Variants in TP53I3 observed in about 807,000 individuals in gnomAD.
TP53I3 encodes quinone oxidoreductase PIG3.
TP53I3 carries 32 observed loss-of-function variants against 27.7 expected under a neutral mutation model. The ratio of observed to expected loss-of-function variants is 1.16; its 90% CI spans 0.87 to 1.55. The LOEUF is 1.55. Ranked by LOEUF, TP53I3 falls within the 40% of genes most tolerant of loss-of-function variation. The pLI is 0.00. For missense variants in TP53I3, 372 were observed against 412.3 expected, an observed-to-expected ratio of 0.90 and a Z score of 0.85; for synonymous variants, 138 against 167.8, an observed-to-expected ratio of 0.82 and a Z score of 1.37.
chr2:24,077,599 C>A lies in TP53I3; in HGVS notation c.979G>T (p.Val327Phe). 1 of 1,613,684 alleles carries A rather than the reference C, an allele frequency of 6.2e-7. No individual in the cohort carries two copies. The part of the protein sequence containing the change: ...MEANKNIGKI[V>F]LELPQ ...CTCCTTCACTGGGGCAGTTCCAGGA[C>A]GATCTTGCCTATGTTCTTGTTGGCC... Residue 327 changes from valine (V) to phenylalanine (F), a missense_variant, in exon 5 of 5, where the codon GTC (valine) becomes TTC (phenylalanine). Physicochemically the swap from Val to Phe is conservative, Grantham distance 50. Transcript: ENST00000238721. The surrounding 1 kb of genome is among the most constrained non-coding windows in gnomAD (Gnocchi z 5.5).
rs927352466 is a variant in TP53I3 at position 24,080,304 on chromosome 2, G to A, written c.619+515C>T. Among the ~76,000 whole-genome samples the A allele has an allele frequency of 2.0e-5, 3 of 151,524 alleles. No homozygotes were observed. Among genetic ancestry groups the A allele is most frequent in the Admixed American group, 1.3e-4 (2 of 15,220 alleles). ...TGGGAGGCGGAGGTTGCAGCGAGCCGAGATCAAGCCACTGCACGCCATCCT... is the reference window on the plus strand; with the variant it reads ...TGGGAGGCGGAGGTTGCAGCGAGCCAAGATCAAGCCACTGCACGCCATCCT... On this transcript the variant is annotated intron_variant, in intron 3 of 4. Transcript: ENST00000238721. The surrounding 1 kb of genome is among the most constrained non-coding windows in gnomAD (Gnocchi z 4.7).
chr2:24,078,027 CTT>C (rs1664835111), intron 4 of TP53I3, among the ~76,000 whole-genome samples: 1 of 152,186 alleles, frequency 6.6e-6, no homozygotes, highest in Non-Finnish European at 1.5e-5. Context: ...TGACCTGTCT[CTT>C]CTTGCATGTA....
At chr2:24,078,032 T>C (rs1664835354) in intron 4 of TP53I3, among the ~76,000 whole-genome samples, 1 of 152,224 alleles carries the variant, frequency 6.6e-6, no homozygotes, top group African/African-American at 2.4e-5. Context: ...TGTCTCTTCT[T>C]GCATGTAGCA....
intron 4 of TP53I3, among the ~76,000 whole-genome samples, chr2:24,078,490 A>G (rs1008914626): frequency 1.9e-4 from 29 of 151,806 alleles, no homozygotes; most frequent in Non-Finnish European, 3.7e-4. Context: ...TAAAAAAAAA[A>G]AAAAAAAAAA....
rs2150988449 is a variant in TP53I3 at position 24,084,752 on chromosome 2, A to C, written c.-426T>G. 6.4e-6 allele frequency: 1 copy of C among 157,280 alleles called. No homozygotes were observed. 9.7% of individuals were successfully genotyped at this position (157,280 alleles called of 1,614,324 possible). A position where few individuals can be genotyped will look rare whatever the true frequency, so the allele number is the denominator to read the frequency against. ...TTACTCCTGGCCCGGCTCCCCTCCC[A>C]TGCACCAGGCGGCGCCGAGTGGTTC... is the stretch of plus-strand genomic sequence containing the variant. On this transcript the variant is annotated 5_prime_UTR_variant, in exon 1 of 5. The change abolishes an upstream ATG in the 5' untranslated region. Transcript: ENST00000238721. This position sits in a 1 kb window ranked among gnomAD's most constrained non-coding sequence, Gnocchi z 8.4.
At chr2:24,081,272 G>C (rs1664990728) in intron 2 of TP53I3, among the ~76,000 whole-genome samples, 1 of 152,152 alleles carries the variant, frequency 6.6e-6, no homozygotes, top group Non-Finnish European at 1.5e-5. Flanking sequence ...CTGTCTTATT[G>C]CCTCTGGCTA....
At chr2:24,083,891 G>A (rs1239583981) in intron 1 of TP53I3, among the ~76,000 whole-genome samples, 1 of 152,148 alleles carries the variant, frequency 6.6e-6, no homozygotes, top group Non-Finnish European at 1.5e-5. Context: ...TTAAGATGGC[G>A]AACAGGGTAG....
At chr2:24,081,136 C>A in intron 2 of TP53I3, 105 bp from the exon 3 acceptor site, 8 of 406,618 alleles carry the variant, frequency 2.0e-5, no homozygotes, top group East Asian at 1.2e-4. Context: ...AATGCCAAAT[C>A]AATCTTTTGC....
chr2:24,080,968 G>A lies in TP53I3; in HGVS notation c.470C>T (p.Ala157Val), dbSNP rs1664976353. ...TCCAGCCATCCGGGTGAGTTGGATAGCAGCTGTGCCCACACCACTCAGTCC... is the reference window on the plus strand; with the variant it reads ...TCCAGCCATCCGGGTGAGTTGGATAACAGCTGTGCCCACACCACTCAGTCC... Reference protein sequence around the residue: ...HAGLSGVGTAAIQLTRMAGAI... With the variant: ...HAGLSGVGTAVIQLTRMAGAI... The change falls in exon 3 of 5, where the codon GCT (alanine) becomes GTT (valine). Residue 157 changes from alanine to valine, a missense_variant. By Grantham distance (64) the Ala-to-Val change is moderately conservative. Transcript: ENST00000238721. This position sits in a 1 kb window ranked among gnomAD's most constrained non-coding sequence, Gnocchi z 4.7. 1 of 1,614,194 alleles carries A rather than the reference G, an allele frequency of 6.2e-7. No individual in the cohort carries two copies. The highest frequency in any genetic ancestry group is 8.5e-7 in the Non-Finnish European group (1 of 1,180,034).
At chr2:24,082,797 T>A in intron 2 of TP53I3, 88 bp downstream of exon 2, 1 of 1,462,024 alleles carries the variant, frequency 6.8e-7, no homozygotes, top group South Asian at 1.4e-5. Flanking sequence ...GGCCTGGGAG[T>A]GCCCTGGGGG....
chr2:24,079,728 A>G, intron 3 of TP53I3, 88 bp from the exon 4 acceptor site: 2 of 1,273,616 alleles, frequency 1.6e-6, no homozygotes, highest in Non-Finnish European at 2.2e-6. Flanking sequence ...ATATAAATAC[A>G]GATGCAAGTG....
intron 2 of TP53I3, among the ~76,000 whole-genome samples, chr2:24,081,288 GA>G (rs1050854379): frequency 4.6e-5 from 7 of 152,144 alleles, no homozygotes; most frequent in African/African-American, 1.7e-4. Context: ...GGCTAAAGTG[GA>G]AAACAGCCTT....
Position 24,084,353 on chromosome 2 carries a change from G to T in TP53I3, c.-27C>A. ...TTGTCTGAGGACACAGGGCAGGGCA[G>T]GGCAGGACAGGACAGGGCAGGGCAG... On this transcript the variant is annotated 5_prime_UTR_variant, in exon 1 of 5. In the 5' UTR this introduces an upstream ATG that the reference lacks. Coordinates refer to ENST00000238721, the MANE Select transcript of TP53I3 (RefSeq NM_004881.5). This position sits in a 1 kb window ranked among gnomAD's most constrained non-coding sequence, Gnocchi z 8.4. 7.2e-7 allele frequency: 1 copy of T among 1,388,986 alleles called. No individual in the cohort carries two copies. 86.0% of individuals were successfully genotyped at this position (1,388,986 alleles called of 1,614,324 possible).
intron 3 of TP53I3, among the ~76,000 whole-genome samples, chr2:24,079,946 G>T (rs933498079): frequency 6.6e-6 from 1 of 152,206 alleles, no homozygotes; most frequent in Non-Finnish European, 1.5e-5. Flanking sequence ...ATTGAGAACA[G>T]AATACAGGAG....
chr2:24,079,500 G>C lies in TP53I3; in HGVS notation c.760C>G (p.Leu254Val), dbSNP rs1292609698. ...GDINGPLFSK[L>V]LFKRGSLITS... ...ATCAGACTTCCTCGCTTAAAAAGTA[G>C]CTTTGAAAACAGGGGCCCATTGATG... The change falls in exon 4 of 5, where the codon CTA becomes GTA. Residue 254 changes from leucine (L) to valine (V), a missense_variant. Leu to Val is a conservative substitution (Grantham distance 32, BLOSUM62 1). Transcript: ENST00000238721. 3 of 1,614,136 alleles carry C rather than the reference G, an allele frequency of 1.9e-6. No individual in the cohort carries two copies. The highest frequency in any genetic ancestry group is 2.5e-6 in the Non-Finnish European group (3 of 1,180,024).
Position 24,077,458 on chromosome 2 carries a change from T to C in TP53I3, c.*121A>G. ...TTCCAGTTCACTCTTTATTTCCTCATATCAGCTTTAAACGGCTCTGGAGGA... is the reference window on the plus strand; with the variant it reads ...TTCCAGTTCACTCTTTATTTCCTCACATCAGCTTTAAACGGCTCTGGAGGA... On this transcript the variant is annotated 3_prime_UTR_variant, in exon 5 of 5. Coordinates refer to ENST00000238721, the MANE Select transcript of TP53I3 (RefSeq NM_004881.5). This position sits in a 1 kb window ranked among gnomAD's most constrained non-coding sequence, Gnocchi z 5.5. The C allele has an allele frequency of 8.5e-7, 1 of 1,178,568 alleles. No individual in the cohort carries two copies. The highest frequency in any genetic ancestry group is 1.1e-6 in the Non-Finnish European group (1 of 873,692). The allele number at this position is 1,178,568 out of a possible 1,614,324, so 73.0% of individuals were successfully genotyped here.
Position 24,084,299 on chromosome 2 carries a change from C to A in TP53I3, c.28G>T (p.Gly10Ter), listed in dbSNP as rs1287615047. The change falls in exon 1 of 5, where the codon GGA (glycine) becomes TGA (stop). Residue 10 changes from glycine to a stop codon, truncating the protein, a stop_gained. Transcript: ENST00000238721. LOFTEE classifies it high-confidence loss of function. The surrounding 1 kb of genome is among the most constrained non-coding windows in gnomAD (Gnocchi z 8.4). MLAVHFDKP[G>*]GPENLYVKEV... is the part of the protein sequence containing the mutation. ...TTCACGTAGAGGTTTTCCGGTCCTC[C>A]CGGCTTGTCAAAGTGCACGGCTAAC... 2 of 1,614,086 alleles carry A rather than the reference C, an allele frequency of 1.2e-6. No homozygotes were observed.
In TP53I3 at chr2:24,077,674, C is replaced by A; in HGVS notation, c.904G>T (p.Asp302Tyr). ...EGPQRLLPVLDRIYPVTEIQE... is the reference protein window; with the variant it reads ...EGPQRLLPVLYRIYPVTEIQE... The stretch of plus-strand genomic sequence containing the variant: ...ATTTCGGTCACTGGGTAGATTCTGT[C>A]CAGAACCGGCAGCAGACGTTGGGGG... The change falls in exon 5 of 5, where the codon GAC becomes TAC. Residue 302 changes from aspartate (D) to tyrosine (Y), a missense_variant. By Grantham distance (160) the Asp-to-Tyr change is radical. Transcript: ENST00000238721. The surrounding 1 kb of genome is among the most constrained non-coding windows in gnomAD (Gnocchi z 5.5). 1 of 1,614,006 alleles carries A rather than the reference C, an allele frequency of 6.2e-7. No homozygotes were observed. The highest frequency in any genetic ancestry group is 8.5e-7 in the Non-Finnish European group (1 of 1,179,966).
chr2:24,077,712 A>C lies in TP53I3; in HGVS notation c.866T>G (p.Phe289Cys), dbSNP rs1192351666. The C allele has an allele frequency of 1.2e-6, 2 of 1,613,772 alleles. No individual in the cohort carries two copies. Reference protein sequence around the residue: ...NAFTEQILPHFSTEGPQRLLP... With the variant: ...NAFTEQILPHCSTEGPQRLLP... ...CAGACGTTGGGGGCCCTCCGTGGAG[A>C]AGTGAGGCAGAATTTGCTCCGTGAA... The change falls in exon 5 of 5, where the codon TTC (phenylalanine) becomes TGC (cysteine). Residue 289 changes from phenylalanine to cysteine, a missense_variant. Phe to Cys is a radical substitution (Grantham distance 205). Transcript: ENST00000238721. The surrounding 1 kb of genome is among the most constrained non-coding windows in gnomAD (Gnocchi z 5.5).
Sources: allele counts gnomAD v4.1 joint callset (sites outside exome capture counted in the v4.1 genomes callset), GRCh38; gene constraint gnomAD v4.1.1; non-coding constraint Gnocchi (gnomAD v3.1); transcripts MANE v1.5; gene names NCBI Gene and HGNC (gene_info 2026-07-23, HGNC 2026-07-21).